Variants in ZNF469 observed in about 807,000 individuals in gnomAD.
ZNF469 encodes the protein zinc finger protein 469.
Under a neutral mutation model 1.0 loss-of-function variants are expected in ZNF469, and 1 was observed. The observed-to-expected ratio is 1.00, with a 90% CI of 0.35 to 4.73. ZNF469 has a LOEUF of 4.73. Ranked by LOEUF, ZNF469 falls within the 30% of genes most tolerant of loss-of-function variation. The pLI, the probability that ZNF469 is intolerant of heterozygous loss-of-function variation, is 0.16. For missense variants in ZNF469, 6,100 were observed against 5,356.3 expected, an observed-to-expected ratio of 1.14 and a Z score of -4.33; for synonymous variants, 2,703 against 2,363.4, an observed-to-expected ratio of 1.14 and a Z score of -4.17.
the ZNF469 span, among the ~76,000 whole-genome samples, chr16:88,270,475 G>A: frequency 2.0e-5 from 3 of 152,208 alleles, no homozygotes; most frequent in African/African-American, 7.2e-5. Flanking sequence ...GGACAAGGCC[G>A]GACTCCACAT....
At position 88,435,821 on chromosome 16, in the gene ZNF469, G is replaced by T. The variant is rs1047653960; in HGVS notation, c.8351G>T (p.Arg2784Leu). Residue 2784 changes from arginine to leucine, a missense_variant, in exon 3 of 3, where the codon CGA becomes CTA. By Grantham distance (102) the Arg-to-Leu change is moderately radical. Coordinates refer to ENST00000565624, the MANE Select transcript of ZNF469 (RefSeq NM_001367624.2). ...GAGGACAGCAGCAGGGCCCACAGCC[G>T]ATCAGAGGAAGGTGTCTGGGAGGAG... ...PAEDSSRAHSRSEEGVWEENT... is the reference protein window; with the variant it reads ...PAEDSSRAHSLSEEGVWEENT... The T allele has an allele frequency of 1.3e-6, 2 of 1,550,534 alleles. No homozygotes were observed. Among genetic ancestry groups the T allele is most frequent in the Admixed American group, 2.0e-5 (1 of 51,014 alleles).
At chr16:88,366,663 CATT>C in the ZNF469 span, among the ~76,000 whole-genome samples, 4 of 150,386 alleles carry the variant, frequency 2.7e-5, no homozygotes, top group East Asian at 5.9e-4. Flanking sequence ...CCATCACCAT[CATT>C]ATCGTCACTA....
At chr16:88,240,200 T>C in the ZNF469 span, among the ~76,000 whole-genome samples, 1 of 152,184 alleles carries the variant, frequency 6.6e-6, no homozygotes, top group African/African-American at 2.4e-5. Context: ...TCCCGGTCAT[T>C]TCTGGAGGTC....
At chr16:88,355,472 T>C in the ZNF469 span, among the ~76,000 whole-genome samples, 5 of 152,282 alleles carry the variant, frequency 3.3e-5, no homozygotes, top group Non-Finnish European at 7.4e-5. Context: ...GCCTGAAGGA[T>C]GGGGAGAAAC....
Position 88,432,929 on chromosome 16 carries a change from C to T in ZNF469, c.5459C>T (p.Thr1820Ile), listed in dbSNP as rs1906303021. ...QGDGAPPLDA[T>I]WPFGASPSHA... Reference sequence around the variant, plus strand: ...GACGGGGCTCCACCTCTGGATGCCACCTGGCCTTTTGGTGCCAGTCCCAGC... The same window carrying T: ...GACGGGGCTCCACCTCTGGATGCCATCTGGCCTTTTGGTGCCAGTCCCAGC... The change falls in exon 3 of 3, where the codon ACC (threonine) becomes ATC (isoleucine). Residue 1820 changes from threonine (T) to isoleucine (I), a missense_variant. Physicochemically the swap from Thr to Ile is moderately conservative, Grantham distance 89. Transcript: ENST00000565624. The T allele has an allele frequency of 5.8e-6, 9 of 1,550,304 alleles. No homozygotes were observed. In the East Asian group the frequency reaches 1.5e-4, roughly 25 times the overall value.
the ZNF469 span, among the ~76,000 whole-genome samples, chr16:88,182,939 G>C: frequency 6.6e-6 from 1 of 152,122 alleles, no homozygotes; most frequent in Non-Finnish European, 1.5e-5. Context: ...ACATACTTAA[G>C]AAAATGAAGA....
At chr16:88,262,326 CT>C in the ZNF469 span, among the ~76,000 whole-genome samples, 1 of 152,234 alleles carries the variant, frequency 6.6e-6, no homozygotes, top group African/African-American at 2.4e-5. The surrounding 1 kb of genome is among the most constrained non-coding windows in gnomAD (Gnocchi z 4.3). Context: ...AGAAGGCAGC[CT>C]GGCTGCTCAA....
rs1906880984 is a variant in ZNF469 at position 88,439,881 on chromosome 16, C to CCTCCTCCCTCTGACCACAGGGTCATGT, written c.*575_*576insTCTCCTCCCTCTGACCACAGGGTCATG. On this transcript the variant is annotated 3_prime_UTR_variant, in exon 3 of 3. Transcript: ENST00000565624. ...CCTGGTCCCCCAAGAGCACAACAGG[C>CCTCCTCCCTCTGACCACAGGGTCATGT]CTCCTCCCTCTGACCACAGGGTCAT... 1.1e-5 allele frequency: 2 copies of CCTCCTCCCTCTGACCACAGGGTCATGT among 184,522 alleles called. No homozygotes were observed. Among genetic ancestry groups the CCTCCTCCCTCTGACCACAGGGTCATGT allele is most frequent in the African/African-American group, 4.8e-5 (2 of 41,794 alleles). The allele number at this position is 184,522 out of a possible 1,614,324, so 11.4% of individuals were successfully genotyped here.
the ZNF469 span, among the ~76,000 whole-genome samples, chr16:88,291,118 G>A: frequency 2.0e-5 from 3 of 152,160 alleles, no homozygotes; most frequent in Non-Finnish European, 4.4e-5. Flanking sequence ...GCAGGCCAAG[G>A]GATGCTAACC....
chr16:88,197,705 C>T, the ZNF469 span, among the ~76,000 whole-genome samples: 48 of 152,344 alleles, frequency 3.2e-4, no homozygotes, highest in Admixed American at 5.9e-4. Flanking sequence ...TCACAGCGTC[C>T]GTGGGGCTGC....
the ZNF469 span, chr16:88,294,855 C>T: frequency 2.0e-5 from 3 of 152,950 alleles, no homozygotes; most frequent in African/African-American, 7.2e-5. Context: ...AATGCCAGGT[C>T]TCTGTAATAA....
At chr16:88,364,771 C>A in the ZNF469 span, among the ~76,000 whole-genome samples, 1 of 149,640 alleles carries the variant, frequency 6.7e-6, no homozygotes, top group African/African-American at 2.5e-5. Context: ...CAAGACCAGC[C>A]TGGCCAATGT....
chr16:88,305,368 GCACA>G, the ZNF469 span, among the ~76,000 whole-genome samples: 3 of 118,532 alleles, frequency 2.5e-5, no homozygotes, highest in Non-Finnish European at 5.2e-5. Context: ...ATGCTCACAG[GCACA>G]CGCATGCACA....
the ZNF469 span, among the ~76,000 whole-genome samples, chr16:88,306,861 T>C: frequency 6.6e-6 from 1 of 152,226 alleles, no homozygotes; most frequent in African/African-American, 2.4e-5. Context: ...ATATAAGTCA[T>C]ATACCATAAA....
At chr16:88,144,083 C>T in the ZNF469 span, among the ~76,000 whole-genome samples, 3 of 152,208 alleles carry the variant, frequency 2.0e-5, no homozygotes, top group Non-Finnish European at 4.4e-5. Context: ...GGGGAGTGGC[C>T]TCACACCCCA....
chr16:88,283,710 G>A, the ZNF469 span, among the ~76,000 whole-genome samples: 15 of 152,344 alleles, frequency 9.8e-5, no homozygotes, highest in East Asian at 3.9e-4. Flanking sequence ...GCCACTTTCC[G>A]GATGGCCCAC....
the ZNF469 span, among the ~76,000 whole-genome samples, chr16:88,167,687 C>T: frequency 3.6e-4 from 55 of 152,296 alleles, 1 homozygote; most frequent in East Asian, 0.011. Context: ...AGCCACTCCG[C>T]TGCGTTTCCT....
chr16:88,126,389 C>T, the ZNF469 span, among the ~76,000 whole-genome samples: 1 of 151,474 alleles, frequency 6.6e-6, no homozygotes, highest in Admixed American at 6.6e-5. Flanking sequence ...GGAAACGTCT[C>T]GTATTTCACC....
rs1255681916 is a variant in ZNF469 at position 88,429,182 on chromosome 16, C to T, written c.1712C>T (p.Ser571Leu). Residue 571 changes from serine (S) to leucine (L), a missense_variant, in exon 3 of 3, where the codon TCA becomes TTA. By Grantham distance (145) the Ser-to-Leu change is moderately radical. Coordinates refer to ENST00000565624, the MANE Select transcript of ZNF469 (RefSeq NM_001367624.2). Reference sequence around the variant, plus strand: ...TTCGGGGTGGCCCAGCCCCAGGTTTCACCCCACGGGACACCCAGCCTGCCC... The same window carrying T: ...TTCGGGGTGGCCCAGCCCCAGGTTTTACCCCACGGGACACCCAGCCTGCCC... ...LFFGVAQPQV[S>L]PHGTPSLPPP... 7.1e-6 allele frequency: 11 copies of T among 1,549,800 alleles called. No homozygotes were observed. The Admixed American group carries it at 2.0e-4, about 28-fold the overall frequency.
Sources: gnomAD v4.1 joint callset for allele counts (sites outside exome capture counted in the v4.1 genomes callset) on GRCh38, gnomAD v4.1.1 for gene constraint, Gnocchi (gnomAD v3.1) non-coding constraint, MANE v1.5 for transcripts, NCBI Gene and HGNC (gene_info 2026-07-23, HGNC 2026-07-21) for gene names.